The following PPFIA1 variants were observed in gnomAD, a reference collection of about 807,000 sequenced individuals.
PPFIA1 encodes PPFI scaffold protein A1.
A neutral mutation model predicts 149.9 loss-of-function variants in PPFIA1; 25 were observed. The ratio of observed to expected loss-of-function variants is 0.17; its 90% confidence interval spans 0.12 to 0.23. The LOEUF (loss-of-function observed/expected upper bound fraction) is 0.23, where lower values mean the gene tolerates loss of function less well. Among genes scored for constraint, PPFIA1 ranks in the 10% least tolerant of loss-of-function variants. The probability of loss-of-function intolerance (pLI) is 1.00; values close to 1 mark genes in which losing one functional copy is unlikely to be tolerated. For synonymous variants in PPFIA1, 549 were observed against 552.8 expected (o/e 0.99, Z 0.10); for missense variants, 1,362 against 1,506.5 (o/e 0.90, Z 1.59).
chr11:70,312,426 A>G (rs2053344484), intron 2 of PPFIA1, among the ~76,000 whole-genome samples: 2 of 152,108 alleles, frequency 1.3e-5, no homozygotes, highest in African/African-American at 2.4e-5. Context: ...CCTGGCCTCA[A>G]ATGATCCTCC....
At chr11:70,375,863 C>A (rs1357923988) in intron 24 of PPFIA1, among the ~76,000 whole-genome samples, 1 of 151,986 alleles carries the variant, frequency 6.6e-6, no homozygotes, top group Non-Finnish European at 1.5e-5. Context: ...ACACAACACA[C>A]CCTTGTTAAT....
At chr11:70,323,187 A>G (rs907695027) in intron 2 of PPFIA1, among the ~76,000 whole-genome samples, 7 of 152,202 alleles carry the variant, frequency 4.6e-5, no homozygotes, top group African/African-American at 1.7e-4. Context: ...CACTGCTCCT[A>G]GGTTTAAAGA....
intron 1 of PPFIA1, chr11:70,271,190 T>A (rs553846513): frequency 6.6e-6 from 1 of 152,252 alleles, no homozygotes; most frequent in Non-Finnish European, 1.5e-5. Flanking sequence ...CTGTGGCCGC[T>A]GAAAGCCCTG....
chr11:70,339,359 C>G, intron 14 of PPFIA1, 53 bp downstream of exon 14: 1 of 1,567,132 alleles, frequency 6.4e-7, no homozygotes, highest in Non-Finnish European at 8.7e-7. Context: ...CCTACTTATC[C>G]CGTGGCTTTC....
chr11:70,283,705 G>A (rs1425697102), intron 2 of PPFIA1, among the ~76,000 whole-genome samples: 1 of 148,982 alleles, frequency 6.7e-6, no homozygotes, highest in African/African-American at 2.5e-5. Context: ...ACAACCTGGC[G>A]GAATTGTGTA....
rs1040961021 is a variant in PPFIA1, at chr11:70,270,810, A to C, written c.-105A>C. The C allele has an allele frequency of 6.7e-6, 1 of 148,708 alleles. No homozygotes were observed. Among genetic ancestry groups the C allele is most frequent in the Non-Finnish European group, 1.5e-5 (1 of 66,808 alleles). 9.2% of individuals were successfully genotyped at this position (148,708 alleles called of 1,614,324 possible). ...GCCGCGGCGTGGGGCGGGCAGGCGG[A>C]CGCCGGCCGCGGGCTGCTTTCGTCG... On this transcript the variant is annotated 5_prime_UTR_variant, in exon 1 of 28. Transcript: ENST00000253925.
chr11:70,340,136 TAA>T (rs564811432), intron 14 of PPFIA1, among the ~76,000 whole-genome samples: 12 of 138,696 alleles, frequency 8.7e-5, no homozygotes, highest in Non-Finnish European at 7.9e-5. Context: ...CTGTCTCTAT[TAA>T]AAAAAAAAAA....
chr11:70,291,940 C>T (rs1389837914), intron 2 of PPFIA1, among the ~76,000 whole-genome samples: 5 of 149,254 alleles, frequency 3.3e-5, no homozygotes, highest in African/African-American at 7.4e-5. Context: ...CATGTTCAAG[C>T]GATTCTCCTG....
At chr11:70,318,145 G>A (rs1028640302) in intron 2 of PPFIA1, among the ~76,000 whole-genome samples, 6 of 152,272 alleles carry the variant, frequency 3.9e-5, no homozygotes, top group Admixed American at 1.3e-4. Context: ...AGTGCCGCCA[G>A]CATCTCTGTT....
At position 70,362,246 on chromosome 11, in the gene PPFIA1, T is replaced by TCAGCACA. The variant is rs760869812; in HGVS notation, c.2665-42_2665-41insCAGCACA. The TCAGCACA allele has an allele frequency of 8.1e-6, 13 of 1,613,280 alleles. No homozygotes were observed. The East Asian group carries it at 2.9e-4, about 36-fold the overall frequency. On this transcript the variant is annotated intron_variant, in intron 20 of 27. Transcript: ENST00000253925. ...GAACTTACTGTTCTACTTTGTAGAC[T>TCAGCACA]GTACCTCACTGTGCTGCCTTCCTTC...
At position 70,343,810 on chromosome 11, in the gene PPFIA1, C is replaced by T. The variant is rs17160805; in HGVS notation, c.1849C>T (p.Leu617=). Residue 617 remains leucine, a synonymous_variant, in exon 15 of 28, where the codon CTA becomes TTA. Coordinates refer to ENST00000253925, the MANE Select transcript of PPFIA1 (RefSeq NM_003626.5). ...RDTLLSSVDL[L]SPSGQADAHT... is the part of the protein sequence containing the mutation. ...CACTCTCCTCAGCTCAGTTGACCTG[C>T]TATCGCCCAGCGGGCAGGCCGACGC... 50,316 of 1,614,162 alleles carry T rather than the reference C, an allele frequency of 0.031. 973 individuals carry two copies. Among genetic ancestry groups the T allele is most frequent in the Non-Finnish European group, 0.037 (43,498 of 1,180,028 alleles).
chr11:70,290,926 C>T (rs993640923), intron 2 of PPFIA1, among the ~76,000 whole-genome samples: 1 of 152,172 alleles, frequency 6.6e-6, no homozygotes, highest in African/African-American at 2.4e-5. Context: ...ACTCTTGTTG[C>T]CCAGGCTGGA....
intron 2 of PPFIA1, among the ~76,000 whole-genome samples, chr11:70,282,833 C>CTTTTTTT (rs59308854): frequency 5.6e-5 from 4 of 71,886 alleles, no homozygotes; most frequent in Non-Finnish European, 1.0e-4. Context: ...CCGTGCCTGG[C>CTTTTTTT]TTTTTTTTTT....
At chr11:70,365,489 C>T (rs1032726541) in intron 21 of PPFIA1, 4 of 452,592 alleles carry the variant, frequency 8.8e-6, no homozygotes, top group Non-Finnish European at 1.8e-5. Context: ...CACTTAAGAC[C>T]GTCTGGGTTC....
Position 70,354,283 on chromosome 11 carries a change from A to C in PPFIA1, c.2164-18A>C. ...ACAGTCTGCTGTTAACTAACTTTGC[A>C]CTTCTCTCACCCCTCAGTTGCCACC... On this transcript the variant is annotated intron_variant, in intron 16 of 27. Transcript: ENST00000253925. 1.3e-6 allele frequency: 2 copies of C among 1,599,912 alleles called. No individual in the cohort carries two copies. The highest frequency in any genetic ancestry group is 2.2e-5 in the East Asian group (1 of 44,572).
rs66816108 is a variant in PPFIA1 at position 70,291,838 on chromosome 11, T to TA, written c.264+19402_264+19403insA. Among the ~76,000 whole-genome samples, 20 of 8,768 alleles carry TA rather than the reference T, an allele frequency of 2.3e-3. No homozygotes were observed. The Admixed American group carries it at 0.024, about 11-fold the overall frequency. The allele number at this position is 8,768 out of a possible 152,430, so 5.8% of individuals were successfully genotyped here. A position where few individuals can be genotyped will look rare whatever the true frequency, so the allele number is the denominator to read the frequency against. ...GGCATGTGTCACCACGCCTGGCTAA[T>TA]TTTTTTTTTTTTTTTTTTTGAGACA... On this transcript the variant is annotated intron_variant, in intron 2 of 27. Transcript: ENST00000253925.
At chr11:70,356,094 C>A in intron 18 of PPFIA1, 67 bp from the exon 19 acceptor site, 3 of 1,248,478 alleles carry the variant, frequency 2.4e-6, no homozygotes, top group Admixed American at 3.7e-5. Context: ...ATTCATCTGC[C>A]TATTTATGAA....
chr11:70,379,420 T>C (rs912477278), intron 26 of PPFIA1, among the ~76,000 whole-genome samples: 1 of 151,696 alleles, frequency 6.6e-6, no homozygotes, highest in Non-Finnish European at 1.5e-5. Context: ...ATTGTGCCGC[T>C]GCACTCTAGC....
At chr11:70,338,725 G>C (rs540329536) in intron 13 of PPFIA1, among the ~76,000 whole-genome samples, 1 of 152,252 alleles carries the variant, frequency 6.6e-6, no homozygotes, top group East Asian at 1.9e-4. Context: ...CACTGATGAT[G>C]TAAGAGCAGA....
Sources: allele counts gnomAD v4.1 joint callset (sites outside exome capture counted in the v4.1 genomes callset), GRCh38; gene constraint gnomAD v4.1.1; transcripts MANE v1.5; gene names NCBI Gene and HGNC (gene_info 2026-07-23, HGNC 2026-07-21).